KCNJ10: variants seen among roughly 807,000 people sequenced by gnomAD.
KCNJ10 encodes ATP-sensitive inward rectifier potassium channel 10.
In KCNJ10, 9 loss-of-function variants were observed where a neutral mutation model predicts 22.2. The observed-to-expected ratio is 0.40, with a 90% confidence interval of 0.24 to 0.71. The LOEUF (loss-of-function observed/expected upper bound fraction) is 0.71. KCNJ10 is among the 30% of genes least tolerant of loss of function. KCNJ10 has a pLI of 0.35. For synonymous variants in KCNJ10, 184 were observed against 187.3 expected (o/e 0.98, Z 0.15); for missense variants, 337 against 482.7 (o/e 0.70, Z 2.83).
chr1:160,055,008 C>T (rs1648993040), intron 1 of KCNJ10, among the ~76,000 whole-genome samples: 1 of 152,132 alleles, frequency 6.6e-6, no homozygotes, highest in Non-Finnish European at 1.5e-5. Context: ...GGTGGGGCTC[C>T]CCAGTCCCCT....
chr1:160,044,125 G>T (rs369192384), intron 1 of KCNJ10, among the ~76,000 whole-genome samples: 1 of 152,150 alleles, frequency 6.6e-6, no homozygotes, highest in Non-Finnish European at 1.5e-5. Flanking sequence ...CACTGAATTG[G>T]AGATCACCAA....
chr1:160,046,118 A>C (rs1167713462), intron 1 of KCNJ10, among the ~76,000 whole-genome samples: 1 of 152,186 alleles, frequency 6.6e-6, no homozygotes, highest in African/African-American at 2.4e-5. Flanking sequence ...GGTGACATTC[A>C]GGGATCCTTT....
chr1:160,049,132 G>A (rs1648817674), intron 1 of KCNJ10, among the ~76,000 whole-genome samples: 1 of 152,160 alleles, frequency 6.6e-6, no homozygotes. Flanking sequence ...TTAGATTCAT[G>A]CCCAGGTCCC....
chr1:160,055,337 C>A (rs972316372), intron 1 of KCNJ10, among the ~76,000 whole-genome samples: 4 of 152,174 alleles, frequency 2.6e-5, no homozygotes, highest in Non-Finnish European at 4.4e-5. Context: ...GAAGCTCTCT[C>A]CAGTGTCACA....
chr1:160,048,192 A>C (rs1466705559), intron 1 of KCNJ10, among the ~76,000 whole-genome samples: 1 of 67,896 alleles, frequency 1.5e-5, no homozygotes, highest in Non-Finnish European at 3.1e-5. Flanking sequence ...AGAAAGAGTA[A>C]GGGAATGACT....
In KCNJ10 at chr1:160,038,340, G is replaced by C. The variant is rs536012546; in HGVS notation, c.*3053C>G. 3.9e-5 allele frequency: 6 copies of C among 152,376 alleles called. No individual in the cohort carries two copies. In the East Asian group the frequency reaches 9.6e-4, roughly 24 times the overall value. 9.4% of individuals were successfully genotyped at this position (152,376 alleles called of 1,614,324 possible). On this transcript the variant is annotated 3_prime_UTR_variant, in exon 2 of 2. Coordinates refer to ENST00000644903, the MANE Select transcript of KCNJ10 (RefSeq NM_002241.5). ...CTGGGGATGGGGACACACAGTGTAA[G>C]TGGTAGATTTTCCAAGACTTCCCCT...
intron 1 of KCNJ10, among the ~76,000 whole-genome samples, chr1:160,057,682 G>T (rs1649073709): frequency 1.3e-5 from 2 of 152,182 alleles, no homozygotes; most frequent in African/African-American, 2.4e-5. Flanking sequence ...TGGGCTGAAG[G>T]CTAATGAGTT....
intron 1 of KCNJ10, among the ~76,000 whole-genome samples, chr1:160,066,657 G>A (rs1365553776): frequency 6.6e-6 from 1 of 152,118 alleles, no homozygotes; most frequent in South Asian, 2.1e-4. Context: ...AGACTCCAAG[G>A]CCATGCTCTT....
Position 160,039,373 on chromosome 1 carries a change from GACACACACACACACAC to G in KCNJ10, c.*2004_*2019del, listed in dbSNP as rs56656397. The G allele has an allele frequency of 9.9e-4, 134 of 135,016 alleles. No individual in the cohort carries two copies. Among genetic ancestry groups the G allele is most frequent in the Non-Finnish European group, 1.1e-3 (68 of 63,940 alleles). The allele number at this position is 135,016 out of a possible 1,614,324, so 8.4% of individuals were successfully genotyped here. A position where few individuals can be genotyped will look rare whatever the true frequency, so the allele number is the denominator to read the frequency against. ...ACTTGGCAATGGATAGGAAGGTATA[GACACACACACACACAC>G]ACACACACACACACACACACACACA... is the stretch of plus-strand genomic sequence containing the variant. On this transcript the variant is annotated 3_prime_UTR_variant, in exon 2 of 2. Transcript: ENST00000644903.
intron 1 of KCNJ10, among the ~76,000 whole-genome samples, chr1:160,067,072 G>A (rs1206526307): frequency 6.6e-6 from 1 of 152,126 alleles, no homozygotes; most frequent in Non-Finnish European, 1.5e-5. Context: ...GAGGCTTGAG[G>A]TCTGATTCAG....
rs1648578387 is a variant in KCNJ10, at chr1:160,040,621, G to A, written c.*772C>T. The A allele has an allele frequency of 2.5e-6, 1 of 398,830 alleles. No individual in the cohort carries two copies. The highest frequency in any genetic ancestry group is 4.4e-6 in the Non-Finnish European group (1 of 226,264). 24.7% of individuals were successfully genotyped at this position (398,830 alleles called of 1,614,324 possible). On this transcript the variant is annotated 3_prime_UTR_variant, in exon 2 of 2. Coordinates refer to ENST00000644903, the MANE Select transcript of KCNJ10 (RefSeq NM_002241.5). ...GGCTGCCTGGAAGATAGGTTTAAAG[G>A]TTTAGATAACAACTTGTGTTAGTCA...
At chr1:160,064,242 A>G (rs1649264131) in intron 1 of KCNJ10, among the ~76,000 whole-genome samples, 1 of 152,238 alleles carries the variant, frequency 6.6e-6, no homozygotes. Flanking sequence ...GAGGCTCTAC[A>G]AAGTCAAACC....
At position 160,040,282 on chromosome 1, in the gene KCNJ10, A is replaced by C. The variant is rs1648572408; in HGVS notation, c.*1111T>G. 1 of 360,920 alleles carries C rather than the reference A, an allele frequency of 2.8e-6. No individual in the cohort carries two copies. The highest frequency in any genetic ancestry group is 2.1e-5 in the African/African-American group (1 of 48,052). 22.4% of individuals were successfully genotyped at this position (360,920 alleles called of 1,614,324 possible). A position where few individuals can be genotyped will look rare whatever the true frequency, so the allele number is the denominator to read the frequency against. On this transcript the variant is annotated 3_prime_UTR_variant, in exon 2 of 2. Transcript: ENST00000644903. ...CTCTGTACAGCAGTTTGGAAATCTG[A>C]GAATTTACCCATCCCTCATGGTGGG...
chr1:160,063,329 T>C (rs1431424120), intron 1 of KCNJ10, among the ~76,000 whole-genome samples: 1 of 152,180 alleles, frequency 6.6e-6, no homozygotes, highest in Non-Finnish European at 1.5e-5. Context: ...TGAGCGGGAC[T>C]GAGCACCTCA....
At chr1:160,057,328 G>A (rs1355134673) in intron 1 of KCNJ10, among the ~76,000 whole-genome samples, 1 of 152,118 alleles carries the variant, frequency 6.6e-6, no homozygotes, top group East Asian at 1.9e-4. Flanking sequence ...TTTCCCTCAC[G>A]TTGCCTCTCC....
chr1:160,040,430 A>T lies in KCNJ10; in HGVS notation c.*963T>A. ...TCCCAAAGAGTTGGGGTTAAGGAAG[A>T]AGGATCTAGGCTGAGCAGGAAAGGA... On this transcript the variant is annotated 3_prime_UTR_variant, in exon 2 of 2. Coordinates refer to ENST00000644903, the MANE Select transcript of KCNJ10 (RefSeq NM_002241.5). The T allele has an allele frequency of 1.3e-5, 5 of 398,028 alleles. No homozygotes were observed. Among genetic ancestry groups the T allele is most frequent in the Non-Finnish European group, 2.2e-5 (5 of 225,718 alleles). 24.7% of individuals were successfully genotyped at this position (398,028 alleles called of 1,614,324 possible).
chr1:160,065,937 G>A (rs1008222758), intron 1 of KCNJ10, among the ~76,000 whole-genome samples: 2 of 152,080 alleles, frequency 1.3e-5, no homozygotes, highest in Admixed American at 6.5e-5. Context: ...AGGCTGATGG[G>A]ATGAACAAGC....
Position 160,060,942 on chromosome 1 carries a change from G to A in KCNJ10, c.-1+9080C>T, listed in dbSNP as rs186585642. Among the ~76,000 whole-genome samples the A allele has an allele frequency of 2.4e-3, 365 of 152,324 alleles. 2 individuals are homozygous for A. The highest frequency in any genetic ancestry group is 0.01 in the Middle Eastern group (3 of 294). On this transcript the variant is annotated intron_variant, in intron 1 of 1. Coordinates refer to ENST00000644903, the MANE Select transcript of KCNJ10 (RefSeq NM_002241.5). ...TTCCAGTGATCCAGAGTTCGTAGCA[G>A]GAGTGGGGCCGGTAGGAGGGTGGGA...
intron 1 of KCNJ10, chr1:160,063,636 TC>T (rs1326330638): frequency 6.6e-6 from 1 of 152,126 alleles, no homozygotes; most frequent in African/African-American, 2.4e-5. Context: ...TCCTCCACTC[TC>T]CACAAAAAAA....
Sources: gnomAD v4.1 joint callset for allele counts (sites outside exome capture counted in the v4.1 genomes callset) on GRCh38, gnomAD v4.1.1 for gene constraint, MANE v1.5 for transcripts, NCBI Gene and HGNC (gene_info 2026-07-23, HGNC 2026-07-21) for gene names.